Variants in PSD3 observed in about 807,000 individuals in gnomAD.
PSD3 encodes PH and SEC7 domain-containing protein 3.
A neutral mutation model predicts 105.5 loss-of-function variants in PSD3; 49 were observed. That is an observed-to-expected ratio of 0.46 (90% confidence interval 0.37 to 0.59). The LOEUF (loss-of-function observed/expected upper bound fraction) is 0.59, where lower values mean the gene tolerates loss of function less well. Ranked by LOEUF, PSD3 falls within the 20% of genes least tolerant of loss-of-function variation. The pLI, the probability that PSD3 is intolerant of heterozygous loss-of-function variation, is 0.00. For synonymous variants in PSD3, 557 were observed against 457.8 expected (o/e 1.22, Z -2.77); for missense variants, 1,561 against 1,263.8 (o/e 1.24, Z -3.57).
At chr8:18,772,325 T>C (rs1186634635) in intron 8 of PSD3, among the ~76,000 whole-genome samples, 1 of 152,198 alleles carries the variant, frequency 6.6e-6, no homozygotes. Context: ...TCCACAGTGA[T>C]TGCACCATTT....
At chr8:18,582,431 C>T (rs930356089) in intron 12 of PSD3, among the ~76,000 whole-genome samples, 1 of 152,168 alleles carries the variant, frequency 6.6e-6, no homozygotes, top group Non-Finnish European at 1.5e-5. Context: ...TGTCTGGCCA[C>T]ATTGCACAGG....
chr8:18,673,059 C>A (rs182072714), intron 9 of PSD3, among the ~76,000 whole-genome samples: 2 of 152,226 alleles, frequency 1.3e-5, no homozygotes, highest in East Asian at 3.9e-4. Context: ...AATCTTTTAA[C>A]TTCACCTCTG....
chr8:18,619,432 A>G (rs1420003204), intron 11 of PSD3, among the ~76,000 whole-genome samples: 1 of 152,054 alleles, frequency 6.6e-6, no homozygotes, highest in Non-Finnish European at 1.5e-5. Flanking sequence ...ATCATCTGAG[A>G]TAAGGAGTTT....
intron 9 of PSD3, among the ~76,000 whole-genome samples, chr8:18,742,624 C>T (rs1341409924): frequency 2.6e-5 from 4 of 152,154 alleles, no homozygotes; most frequent in Non-Finnish European, 4.4e-5. Context: ...TGGCCCATCA[C>T]CACCTAAAGA....
At chr8:18,954,246 C>A (rs775109374) in intron 1 of PSD3, among the ~76,000 whole-genome samples, 2 of 151,996 alleles carry the variant, frequency 1.3e-5, no homozygotes, top group African/African-American at 4.8e-5. Context: ...ACCAAGATAC[C>A]TGTGGCACAG....
intron 11 of PSD3, among the ~76,000 whole-genome samples, chr8:18,627,658 A>G (rs972050136): frequency 2.6e-5 from 4 of 152,066 alleles, no homozygotes; most frequent in African/African-American, 7.2e-5. Flanking sequence ...GCAAGCGTCT[A>G]AAGAATTCAG....
chr8:19,021,100 G>A (rs1482073330), intron 1 of PSD3, among the ~76,000 whole-genome samples: 1 of 152,204 alleles, frequency 6.6e-6, no homozygotes, highest in African/African-American at 2.4e-5. Flanking sequence ...AGAGCCTAAT[G>A]CACTCCAATG....
intron 9 of PSD3, among the ~76,000 whole-genome samples, chr8:18,709,403 A>G (rs1802106430): frequency 1.3e-5 from 2 of 152,122 alleles, no homozygotes; most frequent in South Asian, 4.1e-4. Flanking sequence ...AGCAGATTTA[A>G]TCTCTCCCGC....
chr8:18,855,609 G>T (rs559485823), intron 4 of PSD3, among the ~76,000 whole-genome samples: 3 of 152,162 alleles, frequency 2.0e-5, no homozygotes, highest in African/African-American at 7.2e-5. Context: ...GCCAGGCAAA[G>T]GCAACCTGCA....
chr8:18,967,165 T>TA (rs1167834622), intron 1 of PSD3, among the ~76,000 whole-genome samples: 2 of 151,846 alleles, frequency 1.3e-5, no homozygotes, highest in Non-Finnish European at 2.9e-5. Context: ...TATTTATTTT[T>TA]TTTTTTTGAG....
intron 12 of PSD3, among the ~76,000 whole-genome samples, chr8:18,592,197 G>A (rs908586593): frequency 1.3e-5 from 2 of 151,910 alleles, no homozygotes; most frequent in Non-Finnish European, 2.9e-5. Flanking sequence ...ATATTTAAGG[G>A]AACTAAATAG....
chr8:18,545,814 T>C (rs1372963707), intron 15 of PSD3, among the ~76,000 whole-genome samples: 1 of 152,154 alleles, frequency 6.6e-6, no homozygotes, highest in Non-Finnish European at 1.5e-5. Flanking sequence ...AGCTTGTGTG[T>C]CACACTCACA....
At chr8:18,990,073 G>C (rs1825708968) in intron 1 of PSD3, among the ~76,000 whole-genome samples, 1 of 152,152 alleles carries the variant, frequency 6.6e-6, no homozygotes, top group Non-Finnish European at 1.5e-5. Context: ...CTTTCCACTT[G>C]TCTGTATCAC....
chr8:18,906,467 G>C (rs1346869114), intron 2 of PSD3, among the ~76,000 whole-genome samples: 1 of 152,198 alleles, frequency 6.6e-6, no homozygotes, highest in East Asian at 1.9e-4. Context: ...TGAGGGGAGA[G>C]CAGGAATATT....
At chr8:18,722,237 A>AG (rs1491316683) in intron 9 of PSD3, among the ~76,000 whole-genome samples, 1 of 152,102 alleles carries the variant, frequency 6.6e-6, no homozygotes, top group Non-Finnish European at 1.5e-5. Flanking sequence ...TGTATGTGAC[A>AG]GAGTCTTAAG....
chr8:18,669,642 T>C (rs1473600489), intron 9 of PSD3, among the ~76,000 whole-genome samples: 2 of 152,208 alleles, frequency 1.3e-5, no homozygotes, highest in Admixed American at 6.5e-5. Flanking sequence ...TGAGATTGCA[T>C]CGCACTACGC....
chr8:19,009,480 A>G (rs1440916657), intron 1 of PSD3, among the ~76,000 whole-genome samples: 2 of 152,170 alleles, frequency 1.3e-5, no homozygotes, highest in Non-Finnish European at 2.9e-5. Context: ...TACTGACCTC[A>G]TGGGTTGTCA....
At chr8:19,009,635 A>C (rs1295232223) in intron 1 of PSD3, among the ~76,000 whole-genome samples, 2 of 152,236 alleles carry the variant, frequency 1.3e-5, no homozygotes, top group African/African-American at 4.8e-5. Context: ...CATGCCTGTA[A>C]TTCCAGCACT....
intron 9 of PSD3, among the ~76,000 whole-genome samples, chr8:18,697,831 G>C (rs1801343770): frequency 6.6e-6 from 1 of 152,124 alleles, no homozygotes; most frequent in African/African-American, 2.4e-5. Context: ...AGTCTGATCA[G>C]CAAATTGTTT....
Sources: allele counts gnomAD v4.1 joint callset (sites outside exome capture counted in the v4.1 genomes callset), GRCh38; gene constraint gnomAD v4.1.1; transcripts MANE v1.5; gene names NCBI Gene and HGNC (gene_info 2026-07-23, HGNC 2026-07-21).